The following GRM5 variants were observed in gnomAD, a reference collection of about 807,000 sequenced individuals.
GRM5 encodes the protein metabotropic glutamate receptor 5.
Under a neutral mutation model 83.1 loss-of-function variants are expected in GRM5, and 19 were observed. The observed-to-expected ratio is 0.23, with a 90% CI of 0.16 to 0.34. The LOEUF (loss-of-function observed/expected upper bound fraction) is 0.34, where lower values mean the gene tolerates loss of function less well. Ranked by LOEUF, GRM5 falls within the 10% of genes least tolerant of loss-of-function variation. The pLI is 1.00. For missense variants in GRM5, 1,160 were observed against 1,588.3 expected, an observed-to-expected ratio of 0.73 and a Z score of 4.58; for synonymous variants, 675 against 633.6, an observed-to-expected ratio of 1.07 and a Z score of -0.98.
At chr11:88,592,559 G>A (rs1321516231) in intron 6 of GRM5, among the ~76,000 whole-genome samples, 2 of 152,022 alleles carry the variant, frequency 1.3e-5, no homozygotes, top group African/African-American at 4.8e-5. Flanking sequence ...GATTTCTTAT[G>A]GTTCAGTTTT....
intron 2 of GRM5, among the ~76,000 whole-genome samples, chr11:89,034,503 T>G (rs1941337437): frequency 6.6e-6 from 1 of 151,876 alleles, no homozygotes; most frequent in Non-Finnish European, 1.5e-5. Context: ...GTTCTATTTT[T>G]ATGCAGCCAT....
chr11:88,574,640 A>G (rs12282233), intron 7 of GRM5, among the ~76,000 whole-genome samples: 7,916 of 151,992 alleles, frequency 0.052, 669 homozygotes, highest in African/African-American at 0.18. Flanking sequence ...GGTGGCAGGC[A>G]CCTGTAGTCC....
intron 2 of GRM5, among the ~76,000 whole-genome samples, chr11:88,864,468 T>C (rs1000928025): frequency 6.6e-6 from 1 of 152,052 alleles, no homozygotes; most frequent in Non-Finnish European, 1.5e-5. Context: ...TTTGGCTCTC[T>C]GTTTGTCTAT....
chr11:88,954,976 T>A (rs1042820245), intron 2 of GRM5, among the ~76,000 whole-genome samples: 19 of 152,202 alleles, frequency 1.2e-4, no homozygotes, highest in Admixed American at 2.0e-4. Context: ...ATAAAATACA[T>A]GGGGATACTT....
chr11:88,680,644 G>T (rs1388248080), intron 3 of GRM5, among the ~76,000 whole-genome samples: 2 of 152,120 alleles, frequency 1.3e-5, no homozygotes, highest in African/African-American at 4.8e-5. Flanking sequence ...ATACCCAAAG[G>T]ATTATAAATC....
chr11:88,526,468 G>A (rs1027946549), intron 8 of GRM5, among the ~76,000 whole-genome samples: 16 of 152,158 alleles, frequency 1.1e-4, no homozygotes, highest in Admixed American at 3.9e-4. Flanking sequence ...CACCTGTAGA[G>A]CTTGCAGGGG....
At chr11:88,898,622 A>G (rs1388059570) in intron 2 of GRM5, among the ~76,000 whole-genome samples, 1 of 151,856 alleles carries the variant, frequency 6.6e-6, no homozygotes, top group East Asian at 1.9e-4. Flanking sequence ...ATCCAGTCAT[A>G]TGTGTCATAT....
intron 2 of GRM5, among the ~76,000 whole-genome samples, chr11:88,987,652 G>C (rs1028659635): frequency 2.6e-5 from 4 of 152,032 alleles, no homozygotes; most frequent in African/African-American, 9.7e-5. Context: ...CCAGCACGCA[G>C]CTGGAGATCT....
At chr11:88,824,937 A>G (rs976296576) in intron 3 of GRM5, among the ~76,000 whole-genome samples, 7 of 152,238 alleles carry the variant, frequency 4.6e-5, no homozygotes, top group Non-Finnish European at 8.8e-5. Context: ...TCAGAGTAAC[A>G]TATACTACAT....
chr11:89,049,667 C>T (rs1941715908), intron 1 of GRM5, among the ~76,000 whole-genome samples: 1 of 152,152 alleles, frequency 6.6e-6, no homozygotes, highest in South Asian at 2.1e-4. Context: ...CAGAGAAAGT[C>T]TTCCTATGTA....
intron 3 of GRM5, among the ~76,000 whole-genome samples, chr11:88,757,744 G>A (rs1005939905): frequency 6.6e-6 from 1 of 152,148 alleles, no homozygotes; most frequent in African/African-American, 2.4e-5. Context: ...GTCAATGAGT[G>A]TGAACCCCAC....
intron 2 of GRM5, among the ~76,000 whole-genome samples, chr11:88,900,222 G>A (rs187488754): frequency 1.3e-5 from 2 of 152,230 alleles, no homozygotes; most frequent in Admixed American, 6.5e-5. Context: ...GTATAGTGAT[G>A]TACTGGTAAA....
At position 88,845,734 on chromosome 11, in the gene GRM5, C is replaced by T. The variant is rs528898014; in HGVS notation, c.911+4172G>A. ...AGGCATGAACCACCGCGCCCCCCCC[C>T]ACTTTTTATATGAATTGGGAAAACA... On this transcript the variant is annotated intron_variant, in intron 3 of 9. Coordinates refer to ENST00000305447, the MANE Select transcript of GRM5 (RefSeq NM_001143831.3). Among the ~76,000 whole-genome samples the T allele has an allele frequency of 3.6e-4, 54 of 148,232 alleles. 2 individuals carry two copies. Among genetic ancestry groups the T allele is most frequent in the African/African-American group, 1.3e-3 (52 of 40,208 alleles).
rs192526322 is a variant in GRM5, at chr11:88,617,715, T to A, written c.1148-12751A>T. Among the ~76,000 whole-genome samples the A allele has an allele frequency of 1.6e-4, 24 of 152,320 alleles. 1 individual carries two copies. In the East Asian group the frequency reaches 3.7e-3, roughly 23 times the overall value. On this transcript the variant is annotated intron_variant, in intron 4 of 9. Coordinates refer to ENST00000305447, the MANE Select transcript of GRM5 (RefSeq NM_001143831.3). ...CTTCTCTGTGACCAAAGGAACTGTA[T>A]CCCAACAGTGTGCGGGGGAAAATTC...
intron 4 of GRM5, among the ~76,000 whole-genome samples, chr11:88,640,006 G>A (rs1939246522): frequency 6.6e-6 from 1 of 152,110 alleles, no homozygotes; most frequent in Admixed American, 6.6e-5. Context: ...ATTTAAATAA[G>A]AAATGTGTAA....
At chr11:88,983,757 A>C (rs948832888) in intron 2 of GRM5, among the ~76,000 whole-genome samples, 2 of 152,036 alleles carry the variant, frequency 1.3e-5, no homozygotes, top group African/African-American at 4.8e-5. Context: ...CAGGCAATCT[A>C]TCAGGACGTA....
intron 3 of GRM5, among the ~76,000 whole-genome samples, chr11:88,777,029 A>T (rs1331141217): frequency 2.6e-5 from 4 of 152,144 alleles, no homozygotes; most frequent in Non-Finnish European, 1.5e-5. Flanking sequence ...TATCCTGAAG[A>T]GTGTTTTCCA....
intron 7 of GRM5, among the ~76,000 whole-genome samples, chr11:88,587,844 TTC>T (rs568419133): frequency 3.5e-4 from 54 of 152,274 alleles, no homozygotes; most frequent in African/African-American, 1.2e-3. Flanking sequence ...GACTTACCAC[TTC>T]TCTATCAAAC....
chr11:88,956,723 G>A (rs1938628286), intron 2 of GRM5, among the ~76,000 whole-genome samples: 1 of 152,198 alleles, frequency 6.6e-6, no homozygotes. Context: ...GGAGAAAGGC[G>A]TGAACCCGGA....
Sources: allele counts gnomAD v4.1 joint callset (sites outside exome capture counted in the v4.1 genomes callset), GRCh38; gene constraint gnomAD v4.1.1; transcripts MANE v1.5; gene names NCBI Gene and HGNC (gene_info 2026-07-23, HGNC 2026-07-21).